Variants in SCML4 observed in about 807,000 individuals in gnomAD.
SCML4 encodes the protein sex comb on midleg-like protein 4.
Under a neutral mutation model 41.1 loss-of-function variants are expected in SCML4, and 34 were observed. That is an observed-to-expected ratio of 0.83 (90% confidence interval 0.63 to 1.10). SCML4 has a LOEUF of 1.10. Among genes scored for constraint, SCML4 ranks in the 50% least tolerant of loss-of-function variants. The probability of loss-of-function intolerance (pLI) is 0.00; values close to 1 mark genes in which losing one functional copy is unlikely to be tolerated. For missense variants in SCML4, 522 were observed against 534.1 expected (o/e 0.98, Z 0.22); for synonymous variants, 214 against 220.9 (o/e 0.97, Z 0.28).
At chr6:107,752,798 G>C (rs1398452095) in intron 2 of SCML4, among the ~76,000 whole-genome samples, 1 of 152,146 alleles carries the variant, frequency 6.6e-6, no homozygotes, top group Non-Finnish European at 1.5e-5. Flanking sequence ...GCCAGCGGGG[G>C]TGGGGAGACA....
chr6:107,708,953 T>C (rs1773963322), intron 6 of SCML4, among the ~76,000 whole-genome samples: 1 of 152,178 alleles, frequency 6.6e-6, no homozygotes, highest in South Asian at 2.1e-4. Context: ...ACCTACCTCT[T>C]TGTCCTCCCC....
At chr6:107,708,076 T>TG in intron 6 of SCML4, 65 bp from the exon 7 acceptor site, 1 of 1,512,916 alleles carries the variant, frequency 6.6e-7, no homozygotes, top group Non-Finnish European at 8.9e-7. Flanking sequence ...TACCTGGTGC[T>TG]GCCTGCCCCC....
intron 2 of SCML4, among the ~76,000 whole-genome samples, chr6:107,767,416 A>G (rs1230359264): frequency 6.6e-6 from 1 of 152,208 alleles, no homozygotes; most frequent in Non-Finnish European, 1.5e-5. Flanking sequence ...TTTCTACTTA[A>G]GTTTGAATAC....
chr6:107,762,788 C>T (rs186232143), intron 2 of SCML4, among the ~76,000 whole-genome samples: 46 of 151,520 alleles, frequency 3.0e-4, no homozygotes, highest in African/African-American at 1.1e-3. Flanking sequence ...GAACTTGTGG[C>T]TTCCAAAACT....
chr6:107,709,944 A>G (rs953383861), intron 6 of SCML4, among the ~76,000 whole-genome samples: 3 of 152,108 alleles, frequency 2.0e-5, no homozygotes, highest in Non-Finnish European at 4.4e-5. Context: ...TCCTGACCTC[A>G]GGTGATCCAC....
At chr6:107,814,042 T>C (rs571925983) in intron 1 of SCML4, among the ~76,000 whole-genome samples, 4 of 152,184 alleles carry the variant, frequency 2.6e-5, no homozygotes, top group African/African-American at 4.8e-5. Context: ...AAAGACCCAG[T>C]AGAGCTGCAA....
chr6:107,765,488 G>A (rs995077169), intron 2 of SCML4, among the ~76,000 whole-genome samples: 2 of 152,086 alleles, frequency 1.3e-5, no homozygotes, highest in Admixed American at 1.3e-4. Context: ...CTGGGCAACA[G>A]AGTGAGACTC....
chr6:107,776,791 C>T (rs1420970713), intron 1 of SCML4, among the ~76,000 whole-genome samples: 2 of 152,152 alleles, frequency 1.3e-5, no homozygotes, highest in Non-Finnish European at 2.9e-5. Context: ...TTGCAGCATT[C>T]TTTGTAATAG....
the SCML4 span, among the ~76,000 whole-genome samples, chr6:107,831,411 CAAAAAAA>C: frequency 3.0e-3 from 327 of 107,492 alleles, 2 homozygotes; most frequent in African/African-American, 0.011. Flanking sequence ...TTTTCATTCT[CAAAAAAA>C]AAAAAAAAAA....
chr6:107,813,724 A>G (rs1784373148), intron 1 of SCML4, among the ~76,000 whole-genome samples: 1 of 152,170 alleles, frequency 6.6e-6, no homozygotes, highest in African/African-American at 2.4e-5. Context: ...TGCTTTAAAA[A>G]CAAGTTCAAA....
intron 2 of SCML4, among the ~76,000 whole-genome samples, chr6:107,764,074 T>G (rs1779842935): frequency 6.6e-6 from 1 of 152,216 alleles, no homozygotes; most frequent in Non-Finnish European, 1.5e-5. Context: ...TAGAAGACAT[T>G]GAATAACTCA....
At position 107,747,517 on chromosome 6, in the gene SCML4, A is replaced by G. The variant is rs113257500; in HGVS notation, c.287-628T>C. Among the ~76,000 whole-genome samples, 266 of 151,982 alleles carry G rather than the reference A, an allele frequency of 1.8e-3. 2 individuals are homozygous for G. Among genetic ancestry groups the G allele is most frequent in the African/African-American group, 6.2e-3 (259 of 41,530 alleles). ...TGTCCCAAACCATGTTTATTTATTT[A>G]TAGGTTATATACATTCTTAACTGTA... is the stretch of plus-strand genomic sequence containing the variant. On this transcript the variant is annotated intron_variant, in intron 3 of 7. Coordinates refer to ENST00000369020, the MANE Select transcript of SCML4 (RefSeq NM_198081.5).
intron 1 of SCML4, among the ~76,000 whole-genome samples, chr6:107,790,986 C>A (rs1782280869): frequency 6.6e-6 from 1 of 151,274 alleles, no homozygotes; most frequent in Non-Finnish European, 1.5e-5. Context: ...AGGAGAATTG[C>A]TTGAACCCAG....
the SCML4 span, among the ~76,000 whole-genome samples, chr6:107,837,226 G>A: frequency 6.6e-6 from 1 of 152,134 alleles, no homozygotes; most frequent in East Asian, 1.9e-4. Context: ...GAGAGGCAAT[G>A]GTATGGAACC....
chr6:107,803,242 C>CCG (rs1394266672), intron 1 of SCML4, among the ~76,000 whole-genome samples: 2 of 141,954 alleles, frequency 1.4e-5, no homozygotes, highest in Non-Finnish European at 3.1e-5. Flanking sequence ...CCCGGCCGCC[C>CCG]TGTCTGAGAA....
chr6:107,806,942 C>T (rs1469848928), intron 1 of SCML4, among the ~76,000 whole-genome samples: 1 of 152,232 alleles, frequency 6.6e-6, no homozygotes, highest in Non-Finnish European at 1.5e-5. Flanking sequence ...TGGCTCCCTC[C>T]ACCCTGGGCT....
At chr6:107,807,523 A>G (rs1783829707) in intron 1 of SCML4, among the ~76,000 whole-genome samples, 2 of 152,250 alleles carry the variant, frequency 1.3e-5, no homozygotes, top group Admixed American at 1.3e-4. Flanking sequence ...CAGTCCAACC[A>G]ATATGCTCCT....
chr6:107,723,898 G>A (rs557810524), intron 5 of SCML4, among the ~76,000 whole-genome samples: 1 of 152,140 alleles, frequency 6.6e-6, no homozygotes, highest in African/African-American at 2.4e-5. Flanking sequence ...TATGAATGCA[G>A]AAATCCTCAA....
chr6:107,760,634 A>G (rs1238288239), intron 2 of SCML4, among the ~76,000 whole-genome samples: 1 of 152,216 alleles, frequency 6.6e-6, no homozygotes, highest in Non-Finnish European at 1.5e-5. Flanking sequence ...AAAACACATC[A>G]TCTCTGGAGA....
Sources: allele counts gnomAD v4.1 joint callset (sites outside exome capture counted in the v4.1 genomes callset), GRCh38; gene constraint gnomAD v4.1.1; transcripts MANE v1.5; gene names NCBI Gene and HGNC (gene_info 2026-07-23, HGNC 2026-07-21).